Variants in BRAF observed in about 807,000 individuals in gnomAD.
The protein encoded by BRAF is serine/threonine-protein kinase B-raf.
Under a neutral mutation model 104.6 loss-of-function variants are expected in BRAF, and 16 were observed. The ratio of observed to expected loss-of-function variants is 0.15; its 90% confidence interval spans 0.10 to 0.23. BRAF has a LOEUF of 0.23. Ranked by LOEUF, BRAF falls within the 10% of genes least tolerant of loss-of-function variation. The probability of loss-of-function intolerance (pLI) is 1.00; values close to 1 mark genes in which losing one functional copy is unlikely to be tolerated. For missense variants in BRAF, 541 were observed against 937.3 expected, an observed-to-expected ratio of 0.58 and a Z score of 5.52; for synonymous variants, 310 against 341.6, an observed-to-expected ratio of 0.91 and a Z score of 1.02.
At chr7:140,714,887 C>A (rs564898018), downstream of BRAF, among the ~76,000 whole-genome samples, 2 of 151,996 alleles carry the variant, frequency 1.3e-5, no homozygotes, top group African/African-American at 2.4e-5. Flanking sequence ...GAGCTGAAAG[C>A]GGAACAAGTA....
intron 1 of BRAF, among the ~76,000 whole-genome samples, chr7:140,919,752 T>C (rs977984574): frequency 1.3e-5 from 2 of 152,200 alleles, no homozygotes; most frequent in African/African-American, 4.8e-5. Context: ...AAAGCAGTAC[T>C]TGACACCTTA....
intron 3 of BRAF, among the ~76,000 whole-genome samples, chr7:140,827,570 T>C (rs951900783): frequency 6.6e-6 from 1 of 152,232 alleles, no homozygotes; most frequent in Non-Finnish European, 1.5e-5. Context: ...AGCCTTTCAC[T>C]GAAGGTAATG....
chr7:140,881,065 T>C (rs1353983700), intron 1 of BRAF, among the ~76,000 whole-genome samples: 1 of 152,206 alleles, frequency 6.6e-6, no homozygotes, highest in East Asian at 1.9e-4. Context: ...ATTAGTAATA[T>C]GTTGGAAGGG....
At chr7:140,782,546 G>C (rs186563964) in intron 11 of BRAF, among the ~76,000 whole-genome samples, 1 of 151,376 alleles carries the variant, frequency 6.6e-6, no homozygotes, top group East Asian at 1.9e-4. Flanking sequence ...GCAATACTAC[G>C]GCTAAACAGT....
chr7:140,847,965 A>G (rs1808757670), intron 2 of BRAF, among the ~76,000 whole-genome samples: 1 of 152,206 alleles, frequency 6.6e-6, no homozygotes, highest in Admixed American at 6.5e-5. Flanking sequence ...ACAAGTCCCC[A>G]AGATAAGAAT....
intron 1 of BRAF, among the ~76,000 whole-genome samples, chr7:140,896,850 C>A (rs376076736): frequency 9.0e-6 from 1 of 111,210 alleles, no homozygotes; most frequent in African/African-American, 3.9e-5. Context: ...GGTGACAGAG[C>A]GAGACTCCAT....
At chr7:140,899,373 G>C (rs1356330290) in intron 1 of BRAF, among the ~76,000 whole-genome samples, 1 of 152,144 alleles carries the variant, frequency 6.6e-6, no homozygotes, top group African/African-American at 2.4e-5. Flanking sequence ...CATTAGTCTA[G>C]GGCAAACGCC....
intron 1 of BRAF, among the ~76,000 whole-genome samples, chr7:140,912,352 C>A (rs1817081006): frequency 6.6e-6 from 1 of 152,198 alleles, no homozygotes; most frequent in Admixed American, 6.5e-5. Context: ...ACCTTCCTAG[C>A]AGCATTTCTA....
At chr7:140,734,797 G>GAAAAAAAAAAAAAAAAA in intron 18 of BRAF, 27 bp from the exon 18 acceptor site, 5 of 1,126,482 alleles carry the variant, frequency 4.4e-6, no homozygotes, top group Non-Finnish European at 3.5e-6. Context: ...AAAAAAAAAA[G>GAAAAAAAAAAAAAAAAA]AAAAAAAAAG....
chr7:140,866,279 T>C lies in BRAF; in HGVS notation c.139-16067A>G, dbSNP rs538749222. On this transcript the variant is annotated intron_variant, in intron 1 of 19. Coordinates refer to ENST00000644969, the MANE Select transcript of BRAF (RefSeq NM_001374258.1). Reference sequence around the variant, plus strand: ...TGCGTTTTGGTACAACTCCTGGTCATAACTTTCTCTCACTGTAACCTGCTT... The same window carrying C: ...TGCGTTTTGGTACAACTCCTGGTCACAACTTTCTCTCACTGTAACCTGCTT... Among the ~76,000 whole-genome samples, 3 of 152,358 alleles carry C rather than the reference T, an allele frequency of 2.0e-5. No homozygotes were observed. In the East Asian group the frequency reaches 5.8e-4, roughly 29 times the overall value.
intron 3 of BRAF, among the ~76,000 whole-genome samples, chr7:140,813,487 T>C (rs1804498933): frequency 6.6e-6 from 1 of 152,188 alleles, no homozygotes; most frequent in Non-Finnish European, 1.5e-5. Context: ...AAATTTCTCT[T>C]TGACCTAGTC....
chr7:140,830,349 T>A (rs1327828196), intron 3 of BRAF, among the ~76,000 whole-genome samples: 3 of 152,196 alleles, frequency 2.0e-5, no homozygotes, highest in Non-Finnish European at 4.4e-5. Context: ...AACTCTGATA[T>A]TGTGGTTTAT....
chr7:140,765,639 G>A (rs904826448), intron 14 of BRAF, among the ~76,000 whole-genome samples: 2 of 152,006 alleles, frequency 1.3e-5, no homozygotes, highest in African/African-American at 2.4e-5. Flanking sequence ...AGTGGGCAAA[G>A]GACATGAACA....
chr7:140,863,726 T>A (rs1810648750), intron 1 of BRAF, among the ~76,000 whole-genome samples: 1 of 152,126 alleles, frequency 6.6e-6, no homozygotes, highest in African/African-American at 2.4e-5. Context: ...TTTACAAGTG[T>A]GTAGCACCTC....
chr7:140,845,725 T>G (rs1454615906), intron 2 of BRAF, among the ~76,000 whole-genome samples: 1 of 152,116 alleles, frequency 6.6e-6, no homozygotes, highest in Non-Finnish European at 1.5e-5. Context: ...GTCCCCCAGG[T>G]TGGAGTGCAG....
intron 18 of BRAF, among the ~76,000 whole-genome samples, chr7:140,738,387 C>T (rs1481953906): frequency 6.6e-6 from 1 of 152,104 alleles, no homozygotes; most frequent in Non-Finnish European, 1.5e-5. Flanking sequence ...CTGAGTTACT[C>T]AGCTAGGACT....
intron 13 of BRAF, 125 bp from the exon 13 acceptor site, chr7:140,777,213 G>A: frequency 1.1e-6 from 1 of 942,320 alleles, no homozygotes; most frequent in East Asian, 2.6e-5. Context: ...TTTAAAAAAG[G>A]CAACAAAAGG....
chr7:140,780,054 G>A (rs1800713253), intron 12 of BRAF: 3 of 152,048 alleles, frequency 2.0e-5, no homozygotes, highest in Admixed American at 2.0e-4. Context: ...TTATTCTACT[G>A]TTTGTATCAT....
intron 16 of BRAF, among the ~76,000 whole-genome samples, chr7:140,752,973 T>C (rs538741444): frequency 7.9e-5 from 12 of 151,900 alleles, no homozygotes; most frequent in Admixed American, 2.0e-4. Context: ...TGAAATACAC[T>C]GAAACTGGTT....
Sources: allele counts gnomAD v4.1 joint callset (sites outside exome capture counted in the v4.1 genomes callset), GRCh38; gene constraint gnomAD v4.1.1; transcripts MANE v1.5; gene names NCBI Gene and HGNC (gene_info 2026-07-23, HGNC 2026-07-21).